CC2D2B: variants seen among roughly 807,000 people sequenced by gnomAD.
CC2D2B encodes the protein coiled-coil and C2 domain containing 2B, also known as protein CC2D2B.
A neutral mutation model predicts 161.2 loss-of-function variants in CC2D2B; 128 were observed. The ratio of observed to expected loss-of-function variants is 0.79; its 90% CI spans 0.69 to 0.92. The LOEUF (loss-of-function observed/expected upper bound fraction) is 0.92, where lower values mean the gene tolerates loss of function less well. Ranked by LOEUF, CC2D2B falls within the 40% of genes least tolerant of loss-of-function variation. The pLI is 0.00. For missense variants in CC2D2B, 1,173 were observed against 1,375.1 expected (o/e 0.85, Z 2.32); for synonymous variants, 391 against 449.8 (o/e 0.87, Z 1.65).
Position 96,009,864 on chromosome 10 carries a change from A to C in CC2D2B, c.2986A>C (p.Arg996=). 6.2e-7 allele frequency: 1 copy of C among 1,609,742 alleles called. No individual in the cohort carries two copies. The highest frequency in any genetic ancestry group is 8.5e-7 in the Non-Finnish European group (1 of 1,177,122). Residue 996 remains arginine (R), a synonymous_variant, in exon 26 of 35, where the codon AGA becomes CGA. Transcript: ENST00000646931. ...GAGCTGTAGTGGTCACTCATATATAAGAAAGAATTGGCTTGGATGCATTGT... is the reference window on the plus strand; with the variant it reads ...GAGCTGTAGTGGTCACTCATATATACGAAAGAATTGGCTTGGATGCATTGT... The part of the protein sequence containing the change: ...LKSCSGHSYI[R]KNWLGCIVFP...
intron 6 of CC2D2B, among the ~76,000 whole-genome samples, chr10:95,936,328 T>C (rs1231687698): frequency 6.6e-6 from 1 of 152,190 alleles, no homozygotes; most frequent in Non-Finnish European, 1.5e-5. Flanking sequence ...ACTTCTTTTG[T>C]AAGAGGCTGA....
At chr10:95,960,200 A>G (rs1193289517) in intron 11 of CC2D2B, among the ~76,000 whole-genome samples, 4 of 152,124 alleles carry the variant, frequency 2.6e-5, no homozygotes, top group Non-Finnish European at 5.9e-5. Context: ...ACTGCATCAC[A>G]CTTCTTATGG....
At position 95,981,398 on chromosome 10, in the gene CC2D2B, C is replaced by CA. The variant is rs35175559; in HGVS notation, c.1944-554dup. Among the ~76,000 whole-genome samples the CA allele has an allele frequency of 4.5e-3, 393 of 88,154 alleles. 2 individuals are homozygous for CA. Among genetic ancestry groups the CA allele is most frequent in the Admixed American group, 0.016 (114 of 7,200 alleles). 57.8% of individuals were successfully genotyped at this position (88,154 alleles called of 152,430 possible). A position where few individuals can be genotyped will look rare whatever the true frequency, so the allele number is the denominator to read the frequency against. Reference sequence around the variant, plus strand: ...CTGGCTACAGAGTGAGACTCCGTCTCAAAAAAAAAAAAAAAAAAAAAAAGA... The same window carrying CA: ...CTGGCTACAGAGTGAGACTCCGTCTCAAAAAAAAAAAAAAAAAAAAAAAAGA... On this transcript the variant is annotated intron_variant, in intron 17 of 34. Transcript: ENST00000646931.
intron 6 of CC2D2B, among the ~76,000 whole-genome samples, chr10:95,934,446 A>ACAAAC (rs59924883): frequency 6.7e-6 from 1 of 149,868 alleles, no homozygotes; most frequent in African/African-American, 2.4e-5. Flanking sequence ...TGAAAAAAAA[A>ACAAAC]AAACAAACAA....
At chr10:96,025,671 C>T (rs543545462) in intron 33 of CC2D2B, among the ~76,000 whole-genome samples, 1 of 152,334 alleles carries the variant, frequency 6.6e-6, no homozygotes, top group Admixed American at 6.5e-5. Context: ...CACTCCCAGC[C>T]TCCCAAGCAC....
chr10:95,913,462 C>A (rs2098510207), intron 2 of CC2D2B: 1 of 412,952 alleles, frequency 2.4e-6, no homozygotes, highest in Non-Finnish European at 4.8e-6. Flanking sequence ...TACTGATTTT[C>A]TTTCCTTTGA....
chr10:95,949,520 G>A (rs11594120), intron 9 of CC2D2B, among the ~76,000 whole-genome samples: 1 of 111,806 alleles, frequency 8.9e-6, no homozygotes, highest in African/African-American at 3.6e-5. Context: ...GGTCGGGGGA[G>A]GGGGGAGGGA....
intron 12 of CC2D2B, among the ~76,000 whole-genome samples, chr10:95,963,538 T>C (rs1028742136): frequency 2.0e-5 from 3 of 152,066 alleles, no homozygotes; most frequent in African/African-American, 7.2e-5. Context: ...ATTGAAGCCA[T>C]GGGTGTGCAT....
At chr10:96,022,271 G>C (rs1054779719) in intron 32 of CC2D2B, among the ~76,000 whole-genome samples, 1 of 152,076 alleles carries the variant, frequency 6.6e-6, no homozygotes, top group African/African-American at 2.4e-5. Flanking sequence ...GCAGTGAGCT[G>C]AAATTGCACC....
Position 96,032,260 on chromosome 10 carries a change from C to T in CC2D2B, c.*252C>T, listed in dbSNP as rs2080092538. 2.5e-6 allele frequency: 1 copy of T among 398,782 alleles called. No individual in the cohort carries two copies. Among genetic ancestry groups the T allele is most frequent in the South Asian group, 6.0e-5 (1 of 16,558 alleles). 24.7% of individuals were successfully genotyped at this position (398,782 alleles called of 1,614,324 possible). A position where few individuals can be genotyped will look rare whatever the true frequency, so the allele number is the denominator to read the frequency against. ...TTTGGATAGTCTGGCTTTCTTGGGT[C>T]ACTGTCTGCAGTAGGTCTTATTCTG... is the stretch of plus-strand genomic sequence containing the variant. On this transcript the variant is annotated 3_prime_UTR_variant, in exon 35 of 35. Coordinates refer to ENST00000646931, the MANE Select transcript of CC2D2B (RefSeq NM_001349008.3).
Position 95,996,201 on chromosome 10 carries a change from C to T in CC2D2B, c.2798C>T (p.Thr933Ile). 1 of 1,518,688 alleles carries T rather than the reference C, an allele frequency of 6.6e-7. No homozygotes were observed. The highest frequency in any genetic ancestry group is 8.8e-7 in the Non-Finnish European group (1 of 1,135,342). 94.1% of individuals were successfully genotyped at this position (1,518,688 alleles called of 1,614,324 possible). Residue 933 changes from threonine to isoleucine, a missense_variant, in exon 24 of 35, where the codon ACA (threonine) becomes ATA (isoleucine). Thr to Ile is a moderately conservative substitution (Grantham distance 89, BLOSUM62 -1). Transcript: ENST00000646931. ...CAGCACACTGTATACAAAACCAATACAGCAAGTGGATCTCATCCATGCTGG... is the reference window on the plus strand; with the variant it reads ...CAGCACACTGTATACAAAACCAATATAGCAAGTGGATCTCATCCATGCTGG... ...SFQHTVYKTNTASGSHPCWNE... is the reference protein window; with the variant it reads ...SFQHTVYKTNIASGSHPCWNE...
At chr10:95,909,964 C>A (rs1482973096) in intron 1 of CC2D2B, among the ~76,000 whole-genome samples, 1 of 152,170 alleles carries the variant, frequency 6.6e-6, no homozygotes. Context: ...CTGAGCAACA[C>A]AGCGAGACCC....
chr10:95,947,113 A>ATTT lies in CC2D2B; in HGVS notation c.802-2768_802-2766dup, dbSNP rs753866384. On this transcript the variant is annotated intron_variant, in intron 9 of 34. Transcript: ENST00000646931. ...TATATATATATATATATATATATAT[A>ATTT]TTTTTTTTTTTTTTTTTGAGACAAA... Among the ~76,000 whole-genome samples, 74 of 48,388 alleles carry ATTT rather than the reference A, an allele frequency of 1.5e-3. 8 individuals carry two copies. The highest frequency in any genetic ancestry group is 0.036 in the Middle Eastern group (2 of 56). The allele number at this position is 48,388 out of a possible 152,430, so 31.7% of individuals were successfully genotyped here. A position where few individuals can be genotyped will look rare whatever the true frequency, so the allele number is the denominator to read the frequency against.
intron 33 of CC2D2B, among the ~76,000 whole-genome samples, chr10:96,026,941 G>A (rs1332628337): frequency 6.6e-6 from 1 of 152,120 alleles, no homozygotes; most frequent in Non-Finnish European, 1.5e-5. Flanking sequence ...TGGTCAACAT[G>A]GTGAAACCCC....
intron 10 of CC2D2B, among the ~76,000 whole-genome samples, chr10:95,952,045 C>T (rs1036190602): frequency 6.6e-6 from 1 of 152,100 alleles, no homozygotes; most frequent in Non-Finnish European, 1.5e-5. Context: ...CCAGGTGGTG[C>T]AGAGCATGTT....
At chr10:96,024,467 A>G (rs2079605312) in intron 32 of CC2D2B, among the ~76,000 whole-genome samples, 2 of 152,194 alleles carry the variant, frequency 1.3e-5, no homozygotes, top group South Asian at 4.1e-4. Context: ...AGTAGGCACT[A>G]TTATTATCCC....
At chr10:95,931,498 C>T (rs1564592137) in intron 6 of CC2D2B, among the ~76,000 whole-genome samples, 1 of 152,062 alleles carries the variant, frequency 6.6e-6, no homozygotes, top group Non-Finnish European at 1.5e-5. Flanking sequence ...AGATCTTTCC[C>T]ACTTTTTCCT....
intron 24 of CC2D2B, among the ~76,000 whole-genome samples, chr10:96,003,308 A>G (rs1016670793): frequency 6.6e-5 from 10 of 152,104 alleles, no homozygotes; most frequent in African/African-American, 2.2e-4. Flanking sequence ...TCCAAAATGT[A>G]CCTAATCAAG....
chr10:96,027,104 C>G (rs1317917033), intron 33 of CC2D2B, 108 bp from the exon 34 acceptor site: 1 of 778,830 alleles, frequency 1.3e-6, no homozygotes, highest in Admixed American at 3.7e-5. Context: ...GCCTGGGGGA[C>G]AAGAGCGAGA....
Sources: gnomAD v4.1 joint callset for allele counts (sites outside exome capture counted in the v4.1 genomes callset) on GRCh38, gnomAD v4.1.1 for gene constraint, MANE v1.5 for transcripts, NCBI Gene and HGNC (gene_info 2026-07-23, HGNC 2026-07-21) for gene names.